MEG3: variants seen among roughly 807,000 people sequenced by gnomAD.
MEG3 encodes maternally expressed 3, also known as Very putative protein from MEG3 locus.
At chr14:100,834,540 C>A (rs1313106216) in exon 1 of MEG3, 2 of 380,246 alleles carry the variant, frequency 5.3e-6, no homozygotes, top group East Asian at 1.5e-4. Flanking sequence ...GCCCTTTAAC[C>A]TGGCTCCTTG....
intron 2 of MEG3, among the ~76,000 whole-genome samples, chr14:100,840,611 A>G (rs2037724636): frequency 6.6e-6 from 1 of 151,992 alleles, no homozygotes. Flanking sequence ...GTGTGTCGGG[A>G]GCTCCAAGGC....
At chr14:100,834,891 G>C in exon 1 of MEG3, 4 of 441,394 alleles carry the variant, frequency 9.1e-6, no homozygotes, top group Middle Eastern at 3.6e-4. Flanking sequence ...CCATTTGAAC[G>C]GGGGCCTTGC....
intron 3 of MEG3, chr14:100,848,295 C>G (rs1247900043): frequency 3.3e-5 from 5 of 152,168 alleles, no homozygotes; most frequent in Non-Finnish European, 7.3e-5. Flanking sequence ...AGGAACGGCT[C>G]AAAGCATACA....
intron 3 of MEG3, chr14:100,849,684 G>A: frequency 6.6e-6 from 1 of 152,240 alleles, no homozygotes; most frequent in South Asian, 2.1e-4. Context: ...AGTAGGATCT[G>A]TTAGGATTAG....
At chr14:100,836,235 T>C (rs1263827109) in exon 2 of MEG3, 1 of 456,522 alleles carries the variant, frequency 2.2e-6, no homozygotes, top group Non-Finnish European at 4.4e-6. Context: ...GAGGCCCTGA[T>C]GGGGCCCACC....
chr14:100,833,673 T>C (rs765825011), downstream of MEG3: 3 of 152,254 alleles, frequency 2.0e-5, no homozygotes, highest in Non-Finnish European at 2.9e-5. Flanking sequence ...CATAATTCTT[T>C]AGAGCAGGTA....
At chr14:100,832,088 G>C (rs1482132800), downstream of MEG3, 1 of 148,932 alleles carries the variant, frequency 6.7e-6, no homozygotes, top group Non-Finnish European at 1.5e-5. Context: ...CAGGAGAAGA[G>C]AATAACTAAA....
At chr14:100,852,684 TAA>T (rs1436924028), upstream of MEG3, 1 of 254,192 alleles carries the variant, frequency 3.9e-6, no homozygotes. Context: ...GTACGGCTGT[TAA>T]AAAAAGTCAG....
At chr14:100,846,393 C>T (rs569123746) in intron 3 of MEG3, 1 of 152,296 alleles carries the variant, frequency 6.6e-6, no homozygotes, top group South Asian at 2.1e-4. Context: ...GGACGCGAGC[C>T]CCAGAAGGAT....
At chr14:100,831,728 C>T (rs1007102979), downstream of MEG3, 2 of 152,166 alleles carry the variant, frequency 1.3e-5, no homozygotes, top group Admixed American at 1.3e-4. Flanking sequence ...CCAGGTCTCT[C>T]GACTTCTGGA....
intron 2 of MEG3, among the ~76,000 whole-genome samples, chr14:100,842,761 T>G (rs551031698): frequency 4.1e-4 from 63 of 152,342 alleles, no homozygotes; most frequent in Admixed American, 2.2e-3. Context: ...GAGGAACTTT[T>G]AAAATCCTAA....
rs977143034 is a variant in MEG3, at chr14:100,837,216, C to T, written n.3045+916C>T. ...CGGCCATGCCAGGCTGAAGTTTGGG[C>T]TGGCAGGAAGAGAGGAGGCTCAGCT... On this transcript the variant is annotated intron_variant and non_coding_transcript_variant, in intron 2 of 3. Coordinates refer to the MEG3 transcript ENST00000398461. This position sits in a 1 kb window ranked among gnomAD's most constrained non-coding sequence, Gnocchi z 5.8. Among the ~76,000 whole-genome samples, 1 of 152,180 alleles carries T rather than the reference C, an allele frequency of 6.6e-6. No homozygotes were observed. Among genetic ancestry groups the T allele is most frequent in the African/African-American group, 2.4e-5 (1 of 41,440 alleles).
chr14:100,841,346 C>T (rs1004206199), intron 2 of MEG3, among the ~76,000 whole-genome samples: 1 of 152,348 alleles, frequency 6.6e-6, no homozygotes, highest in East Asian at 1.9e-4. Flanking sequence ...GTCTCCAGCC[C>T]CTTAGGCCTC....
rs960257961 is a variant in MEG3, at chr14:100,850,028, T to A, written n.3121+4495T>A. On this transcript the variant is annotated intron_variant and non_coding_transcript_variant, in intron 3 of 3. Transcript: ENST00000398461. The stretch of plus-strand genomic sequence containing the variant: ...TGAGGTTCATAAATAAAAGAATAAA[T>A]ACTTAAACGTGAAAGGTGACTAAAT... The A allele has an allele frequency of 1.8e-4, 28 of 152,244 alleles. 1 individual carries two copies. The highest frequency in any genetic ancestry group is 1.6e-3 in the Admixed American group (25 of 15,288). 9.4% of individuals were successfully genotyped at this position (152,244 alleles called of 1,614,324 possible).
downstream of MEG3, chr14:100,832,693 C>A (rs908176332): frequency 6.6e-6 from 1 of 152,638 alleles, no homozygotes; most frequent in African/African-American, 2.4e-5. Flanking sequence ...AGCCACACTT[C>A]TAATTTTGGT....
chr14:100,826,693 G>C (rs1019458449), intron 1 of MEG3, among the ~76,000 whole-genome samples: 7 of 152,182 alleles, frequency 4.6e-5, no homozygotes, highest in Non-Finnish European at 7.3e-5. Flanking sequence ...TATTTGCCTC[G>C]CCAGCTGTTG....
At chr14:100,856,594 A>G (rs1226721250), upstream of MEG3, 1 of 152,568 alleles carries the variant, frequency 6.6e-6, no homozygotes, top group Non-Finnish European at 1.5e-5. Flanking sequence ...GGCCAGGGAG[A>G]CAGCCTCACT....
At chr14:100,829,977 C>T (rs903638650), downstream of MEG3, 1 of 152,164 alleles carries the variant, frequency 6.6e-6, no homozygotes, top group African/African-American at 2.4e-5. Context: ...ACTGAACTCT[C>T]TGTCCCATGG....
chr14:100,845,946 A>G lies in MEG3; in HGVS notation n.3121+413A>G, dbSNP rs1423291500. 1 of 154,260 alleles carries G rather than the reference A, an allele frequency of 6.5e-6. No individual in the cohort carries two copies. Among genetic ancestry groups the G allele is most frequent in the South Asian group, 2.0e-4 (1 of 5,074 alleles). The allele number at this position is 154,260 out of a possible 1,614,324, so 9.6% of individuals were successfully genotyped here. On this transcript the variant is annotated intron_variant and non_coding_transcript_variant, in intron 3 of 3. Coordinates refer to the MEG3 transcript ENST00000398461. The surrounding 1 kb of genome is among the most constrained non-coding windows in gnomAD (Gnocchi z 5.2). ...AGGGCCAAGGAGAAAACGCAGGCCGAGGGACCAGCCTTCCAAATGGGCTTC... is the reference window on the plus strand; with the variant it reads ...AGGGCCAAGGAGAAAACGCAGGCCGGGGGACCAGCCTTCCAAATGGGCTTC...
Sources: allele counts gnomAD v4.1 joint callset (sites outside exome capture counted in the v4.1 genomes callset), GRCh38; gene constraint gnomAD v4.1.1; non-coding constraint Gnocchi (gnomAD v3.1); transcripts MANE v1.5; gene names NCBI Gene and HGNC (gene_info 2026-07-23, HGNC 2026-07-21).